The following DPY19L3 variants were observed in gnomAD, a reference collection of about 807,000 sequenced individuals.
DPY19L3 encodes protein C-mannosyl-transferase DPY19L3.
Under a neutral mutation model 92.3 loss-of-function variants are expected in DPY19L3, and 51 were observed. The ratio of observed to expected loss-of-function variants is 0.55; its 90% confidence interval spans 0.44 to 0.70. The LOEUF (loss-of-function observed/expected upper bound fraction) is 0.70. DPY19L3 is among the 30% of genes least tolerant of loss of function. The pLI is 0.00. For synonymous variants in DPY19L3, 309 were observed against 315.2 expected, an observed-to-expected ratio of 0.98 and a Z score of 0.21; for missense variants, 706 against 855.9, an observed-to-expected ratio of 0.82 and a Z score of 2.18.
intron 5 of DPY19L3, 127 bp from the exon 6 acceptor site, chr19:32,437,067 G>A: frequency 9.1e-7 from 1 of 1,099,374 alleles, no homozygotes; most frequent in Non-Finnish European, 1.3e-6. Context: ...GATGAAAGGG[G>A]TGTGGGCTTG....
At chr19:32,415,565 A>G (rs1034108339) in intron 3 of DPY19L3, among the ~76,000 whole-genome samples, 4 of 152,194 alleles carry the variant, frequency 2.6e-5, no homozygotes, top group East Asian at 1.9e-4. Flanking sequence ...AGTGAACCCT[A>G]TTTTTAGTAG....
chr19:32,476,297 G>A (rs1477025711), intron 16 of DPY19L3, among the ~76,000 whole-genome samples: 2 of 152,074 alleles, frequency 1.3e-5, no homozygotes, highest in East Asian at 3.9e-4. Flanking sequence ...TTTCTGCAGA[G>A]GATGTTGAAT....
chr19:32,473,609 AT>A (rs760521833), intron 16 of DPY19L3, among the ~76,000 whole-genome samples: 55 of 152,276 alleles, frequency 3.6e-4, no homozygotes, highest in Non-Finnish European at 2.8e-4. Context: ...TTTGTTTCTC[AT>A]TTTGTTCCAC....
intron 18 of DPY19L3, 141 bp downstream of exon 18, chr19:32,480,698 C>CTGTAGGAAG: frequency 3.4e-6 from 4 of 1,192,428 alleles, no homozygotes; most frequent in Non-Finnish European, 4.6e-6. Flanking sequence ...TCTCTTGCTT[C>CTGTAGGAAG]CTACAGAAGC....
Position 32,482,124 on chromosome 19 carries a change from G to C in DPY19L3, c.2035G>C (p.Asp679His). Residue 679 changes from aspartate (D) to histidine (H), a missense_variant, in exon 19 of 19, where the codon GAC (aspartate) becomes CAC (histidine). By Grantham distance (81) the Asp-to-His change is moderately conservative (BLOSUM62 -1). Coordinates refer to ENST00000392250, the MANE Select transcript of DPY19L3 (RefSeq NM_001172774.2). ...GENDPDLKPA[D>H]HPRFCEEIKR... is the part of the protein sequence containing the mutation. ...GAATGATCCTGATTTGAAACCTGCA[G>C]ACCACCCTCGCTTCTGTGAAGAGAT... 1 of 1,613,816 alleles carries C rather than the reference G, an allele frequency of 6.2e-7. No individual in the cohort carries two copies. Among genetic ancestry groups the C allele is most frequent in the Non-Finnish European group, 8.5e-7 (1 of 1,179,844 alleles).
chr19:32,422,774 G>A (rs1968617486), intron 3 of DPY19L3, among the ~76,000 whole-genome samples: 1 of 152,146 alleles, frequency 6.6e-6, no homozygotes, highest in African/African-American at 2.4e-5. Flanking sequence ...ATCATTAGCA[G>A]GATAGAGTTC....
chr19:32,424,835 AC>A (rs1325307117), intron 3 of DPY19L3, among the ~76,000 whole-genome samples: 1 of 152,228 alleles, frequency 6.6e-6, no homozygotes, highest in East Asian at 1.9e-4. Flanking sequence ...TTCAAAACTT[AC>A]TATACAGCCA....
In DPY19L3 at chr19:32,453,237, C is replaced by T; in HGVS notation, c.948C>T (p.Ile316=). Residue 316 remains isoleucine (I), a synonymous_variant, in exon 9 of 19, where the codon ATC becomes ATT. Transcript: ENST00000392250. ...CCATGATTCTTGGATCACTGCTTAT[C>T]AGTTTTAACCTTTCAGTATTCATTG... ...FNSMILGSLL[I]SFNLSVFIAR... 3 of 1,613,846 alleles carry T rather than the reference C, an allele frequency of 1.9e-6. No homozygotes were observed. Among genetic ancestry groups the T allele is most frequent in the Non-Finnish European group, 2.5e-6 (3 of 1,179,952 alleles).
chr19:32,439,937 G>C (rs759155513), intron 8 of DPY19L3, 27 bp downstream of exon 8: 135 of 1,608,906 alleles, frequency 8.4e-5, no homozygotes, highest in Non-Finnish European at 1.1e-4. Context: ...TTTCTCACTT[G>C]AGATTTTGGC....
At position 32,439,274 on chromosome 19, in the gene DPY19L3, A is replaced by G. The variant is rs377309061; in HGVS notation, c.720+39A>G. On this transcript the variant is annotated intron_variant, in intron 7 of 18. Transcript: ENST00000392250. ...AAATTTCATATATTTTAATCCCCCA[A>G]TTTTATATATGAAGCTTCAAAAAAT... The G allele has an allele frequency of 2.5e-5, 39 of 1,585,884 alleles. No homozygotes were observed. The Admixed American group carries it at 3.5e-4, about 14-fold the overall frequency.
intron 3 of DPY19L3, among the ~76,000 whole-genome samples, chr19:32,419,499 C>G (rs1287077308): frequency 6.6e-6 from 1 of 152,010 alleles, no homozygotes; most frequent in African/African-American, 2.4e-5. Context: ...CTCACTCTTT[C>G]ACTCAGGCTG....
chr19:32,430,107 G>C (rs746902083), intron 3 of DPY19L3, among the ~76,000 whole-genome samples: 161 of 152,218 alleles, frequency 1.1e-3, no homozygotes, highest in African/African-American at 3.8e-3. Context: ...TAAATTTTAG[G>C]CCCAGGCACT....
intron 8 of DPY19L3, among the ~76,000 whole-genome samples, chr19:32,442,082 AT>A (rs1969343089): frequency 6.6e-6 from 1 of 152,224 alleles, no homozygotes; most frequent in South Asian, 2.1e-4. Flanking sequence ...TAGTTTCTTC[AT>A]AAATTAGAAT....
chr19:32,427,817 T>G (rs1968816014), intron 3 of DPY19L3, among the ~76,000 whole-genome samples: 2 of 152,198 alleles, frequency 1.3e-5, no homozygotes, highest in South Asian at 4.2e-4. Context: ...TACAGAACTT[T>G]AAGAACAGCT....
At chr19:32,449,263 T>C (rs1969618953) in intron 8 of DPY19L3, among the ~76,000 whole-genome samples, 1 of 152,342 alleles carries the variant, frequency 6.6e-6, no homozygotes, top group Non-Finnish European at 1.5e-5. Flanking sequence ...CAAAGCATTG[T>C]TGAAAGTTTT....
At chr19:32,467,752 A>C (rs902944801) in intron 15 of DPY19L3, 7 of 984,618 alleles carry the variant, frequency 7.1e-6, no homozygotes, top group Non-Finnish European at 8.5e-6. Context: ...CTTTGACCTT[A>C]GAATGTATAT....
chr19:32,474,217 A>G lies in DPY19L3; in HGVS notation c.1698-3305A>G, dbSNP rs1485932764. Among the ~76,000 whole-genome samples the G allele has an allele frequency of 2.0e-5, 3 of 152,264 alleles. No homozygotes were observed. The East Asian group carries it at 5.8e-4, about 29-fold the overall frequency. On this transcript the variant is annotated intron_variant, in intron 16 of 18. Coordinates refer to ENST00000392250, the MANE Select transcript of DPY19L3 (RefSeq NM_001172774.2). ...TGTTAACAATCCAGATGATTGTGGC[A>G]CTAACACATTAAATAGATTACACTT... is the stretch of plus-strand genomic sequence containing the variant.
chr19:32,464,603 G>A, intron 14 of DPY19L3, 125 bp from the exon 15 acceptor site: 1 of 549,320 alleles, frequency 1.8e-6, no homozygotes, highest in Non-Finnish European at 3.2e-6. Context: ...TCAGGAGGCT[G>A]AGACAGGAAA....
chr19:32,433,471 G>A (rs1241034381), intron 4 of DPY19L3, among the ~76,000 whole-genome samples: 1 of 152,206 alleles, frequency 6.6e-6, no homozygotes, highest in Non-Finnish European at 1.5e-5. Flanking sequence ...AGGCTGGAGT[G>A]CAGTGATATG....
Sources: allele counts gnomAD v4.1 joint callset (sites outside exome capture counted in the v4.1 genomes callset), GRCh38; gene constraint gnomAD v4.1.1; transcripts MANE v1.5; gene names NCBI Gene and HGNC (gene_info 2026-07-23, HGNC 2026-07-21).